The following SMAD2 variants were observed in gnomAD, a reference collection of about 807,000 sequenced individuals.
SMAD2 encodes the protein SMAD family member 2.
Under a neutral mutation model 64.4 loss-of-function variants are expected in SMAD2, and 8 were observed. That is an observed-to-expected ratio of 0.12 (90% CI 0.07 to 0.22). The LOEUF (loss-of-function observed/expected upper bound fraction) is 0.22, where lower values mean the gene tolerates loss of function less well. Among genes scored for constraint, SMAD2 ranks in the 10% least tolerant of loss-of-function variants. The pLI is 1.00. For synonymous variants in SMAD2, 203 were observed against 195.8 expected, an observed-to-expected ratio of 1.04 and a Z score of -0.31; for missense variants, 289 against 561.2, an observed-to-expected ratio of 0.51 and a Z score of 4.90.
At chr18:47,888,158 G>A (rs2144443335) in intron 2 of SMAD2, among the ~76,000 whole-genome samples, 1 of 151,896 alleles carries the variant, frequency 6.6e-6, no homozygotes, top group Middle Eastern at 3.4e-3. Context: ...ATATAAGCAG[G>A]TCACAGCAGT....
At chr18:47,900,093 G>C (rs1437299662) in intron 1 of SMAD2, among the ~76,000 whole-genome samples, 1 of 152,046 alleles carries the variant, frequency 6.6e-6, no homozygotes, top group Non-Finnish European at 1.5e-5. Flanking sequence ...TGTAATATGA[G>C]CTACATATGT....
intron 1 of SMAD2, among the ~76,000 whole-genome samples, chr18:47,922,851 G>A (rs2034616096): frequency 6.6e-6 from 1 of 151,824 alleles, no homozygotes; most frequent in Admixed American, 6.5e-5. Context: ...AGCTAGTAAG[G>A]AAAGACACTG....
intron 2 of SMAD2, among the ~76,000 whole-genome samples, chr18:47,879,505 T>TGTGTGTGTGTGTGTGC (rs2032462736): frequency 6.6e-6 from 1 of 151,480 alleles, no homozygotes; most frequent in African/African-American, 2.4e-5. Context: ...CGTGTGTGTG[T>TGTGTGTGTGTGTGTGC]GTGTGTGTGT....
chr18:47,858,429 G>A lies in SMAD2; in HGVS notation c.730+6630C>T, dbSNP rs531856940. 1.1e-4 allele frequency among the ~76,000 whole-genome samples: 16 copies of A among 152,192 alleles called. No individual in the cohort carries two copies. In the East Asian group the frequency reaches 2.3e-3, roughly 22 times the overall value. On this transcript the variant is annotated intron_variant, in intron 6 of 10. Coordinates refer to ENST00000262160, the MANE Select transcript of SMAD2 (RefSeq NM_005901.6). ...CAAAATGGTGCTAAAACAACTGAAA[G>A]AAATGTCTGTAGTAAAGGAATAAAA...
intron 1 of SMAD2, among the ~76,000 whole-genome samples, chr18:47,908,005 A>T (rs1450616444): frequency 6.6e-6 from 1 of 152,230 alleles, no homozygotes; most frequent in Non-Finnish European, 1.5e-5. Flanking sequence ...AATTCAAAAA[A>T]ATTTAAAAGG....
rs1307370552 is a variant in SMAD2, at chr18:47,837,712, G to T, written c.*4115C>A. ...AGCAAAGTAAAGCATATGAAAGGAA[G>T]AAATGTTTGATATGTCTAAGTATCA... On this transcript the variant is annotated 3_prime_UTR_variant, in exon 11 of 11. Transcript: ENST00000262160. 4 of 232,836 alleles carry T rather than the reference G, an allele frequency of 1.7e-5. No individual in the cohort carries two copies. Among genetic ancestry groups the T allele is most frequent in the Non-Finnish European group, 2.5e-5 (3 of 117,852 alleles). 14.4% of individuals were successfully genotyped at this position (232,836 alleles called of 1,614,324 possible). A position where few individuals can be genotyped will look rare whatever the true frequency, so the allele number is the denominator to read the frequency against.
In SMAD2 at chr18:47,824,265, G is replaced by A. The variant is rs983058108; in HGVS notation, c.*17562C>T. On this transcript the variant is annotated 3_prime_UTR_variant, in exon 11 of 11. Transcript: ENST00000262160. ...AAATGGAGCCAGGGAAGTCCATGAA[G>A]AGAGGGATTTTACGCACTACCTCAA... The A allele has an allele frequency of 6.6e-6, 1 of 151,796 alleles. No individual in the cohort carries two copies. Among genetic ancestry groups the A allele is most frequent in the Non-Finnish European group, 1.5e-5 (1 of 68,050 alleles). The allele number at this position is 151,796 out of a possible 1,614,324, so 9.4% of individuals were successfully genotyped here.
intron 7 of SMAD2, 135 bp downstream of exon 7, chr18:47,851,139 C>T (rs1305820761): frequency 3.0e-6 from 2 of 664,842 alleles, no homozygotes; most frequent in Non-Finnish European, 5.4e-6. Context: ...ACTACTTTAA[C>T]CACATACATA....
intron 6 of SMAD2, among the ~76,000 whole-genome samples, chr18:47,852,443 T>C (rs1374055902): frequency 6.6e-6 from 1 of 152,140 alleles, no homozygotes; most frequent in Admixed American, 6.5e-5. Flanking sequence ...TAATAAAATA[T>C]TTATTTAGGA....
intron 2 of SMAD2, among the ~76,000 whole-genome samples, chr18:47,872,875 T>G (rs1453006558): frequency 6.6e-6 from 1 of 152,168 alleles, no homozygotes; most frequent in Non-Finnish European, 1.5e-5. Flanking sequence ...ATTTAAAGTA[T>G]GAGAAAATGT....
At position 47,811,250 on chromosome 18, in the gene SMAD2, T is replaced by A. The variant is rs1912190916; in HGVS notation, c.*30577A>T. On this transcript the variant is annotated 3_prime_UTR_variant, in exon 11 of 11. Coordinates refer to ENST00000262160, the MANE Select transcript of SMAD2 (RefSeq NM_005901.6). ...ACTTTGGGAGGCTGAGGCGGGTGGA[T>A]CACAAGGTCAGGAGATTGAGACCAT... 1 of 152,092 alleles carries A rather than the reference T, an allele frequency of 6.6e-6. No homozygotes were observed. Among genetic ancestry groups the A allele is most frequent in the Admixed American group, 6.5e-5 (1 of 15,274 alleles). The allele number at this position is 152,092 out of a possible 1,614,324, so 9.4% of individuals were successfully genotyped here. A position where few individuals can be genotyped will look rare whatever the true frequency, so the allele number is the denominator to read the frequency against.
At chr18:47,885,168 CACACACACACACACAT>C (rs1213727959) in intron 2 of SMAD2, among the ~76,000 whole-genome samples, 7 of 146,938 alleles carry the variant, frequency 4.8e-5, no homozygotes, top group East Asian at 2.2e-4. Context: ...CACACACACA[CACACACACACACACAT>C]ATACCCTCCC....
intron 1 of SMAD2, among the ~76,000 whole-genome samples, chr18:47,916,877 ATACCATCCCT>A (rs1350363741): frequency 2.0e-5 from 3 of 152,224 alleles, no homozygotes; most frequent in Non-Finnish European, 2.9e-5. Flanking sequence ...GTCTGCAGTT[ATACCATCCCT>A]TCATTTCCAA....
rs1206035629 is a variant in SMAD2 at position 47,827,472 on chromosome 18, T to TC, written c.*14354dup. 2 of 152,132 alleles carry TC rather than the reference T, an allele frequency of 1.3e-5. No individual in the cohort carries two copies. The highest frequency in any genetic ancestry group is 4.8e-5 in the African/African-American group (2 of 41,390). 9.4% of individuals were successfully genotyped at this position (152,132 alleles called of 1,614,324 possible). On this transcript the variant is annotated 3_prime_UTR_variant, in exon 11 of 11. Transcript: ENST00000262160. ...AGCACATCCCTCTCCCTCTCCCGTC[T>TC]CCCCCCGTCTCCCACTTTCTACGGT...
chr18:47,873,737 G>A (rs1044577665), intron 2 of SMAD2, among the ~76,000 whole-genome samples: 2 of 152,256 alleles, frequency 1.3e-5, no homozygotes, highest in African/African-American at 4.8e-5. Flanking sequence ...AAAGCTGAAG[G>A]GAGGTCCAAC....
chr18:47,919,064 G>A (rs2144536009), intron 1 of SMAD2, among the ~76,000 whole-genome samples: 1 of 152,086 alleles, frequency 6.6e-6, no homozygotes, highest in South Asian at 2.1e-4. Flanking sequence ...CAAAGACAAA[G>A]AAAGGGCTTA....
At position 47,834,918 on chromosome 18, in the gene SMAD2, G is replaced by C. The variant is rs552573129; in HGVS notation, c.*6909C>G. 1 of 223,100 alleles carries C rather than the reference G, an allele frequency of 4.5e-6. No homozygotes were observed. The highest frequency in any genetic ancestry group is 1.8e-4 in the South Asian group (1 of 5,428). The allele number at this position is 223,100 out of a possible 1,614,324, so 13.8% of individuals were successfully genotyped here. On this transcript the variant is annotated 3_prime_UTR_variant, in exon 11 of 11. Transcript: ENST00000262160. Reference sequence around the variant, plus strand: ...ACAAAGGCTGCCAGCTGGAGACACAGCCCTCCGATTACAAAGGCCCAGAAT... The same window carrying C: ...ACAAAGGCTGCCAGCTGGAGACACACCCCTCCGATTACAAAGGCCCAGAAT...
chr18:47,863,041 G>A (rs113570893), intron 6 of SMAD2, among the ~76,000 whole-genome samples: 1 of 151,288 alleles, frequency 6.6e-6, no homozygotes, highest in Non-Finnish European at 1.5e-5. Flanking sequence ...TACTTATTAT[G>A]CCTAATTTAT....
rs1181363692 is a variant in SMAD2, at chr18:47,826,809, A to G, written c.*15018T>C. 2 of 152,192 alleles carry G rather than the reference A, an allele frequency of 1.3e-5. No individual in the cohort carries two copies. Among genetic ancestry groups the G allele is most frequent in the Non-Finnish European group, 2.9e-5 (2 of 68,026 alleles). 9.4% of individuals were successfully genotyped at this position (152,192 alleles called of 1,614,324 possible). A position where few individuals can be genotyped will look rare whatever the true frequency, so the allele number is the denominator to read the frequency against. ...ATTTGTTATTAGCAAAGACCTTCAGAGTAACCTTTGCCTGGTATTCTAGAC... is the reference window on the plus strand; with the variant it reads ...ATTTGTTATTAGCAAAGACCTTCAGGGTAACCTTTGCCTGGTATTCTAGAC... On this transcript the variant is annotated 3_prime_UTR_variant, in exon 11 of 11. Transcript: ENST00000262160.
Sources: gnomAD v4.1 joint callset for allele counts (sites outside exome capture counted in the v4.1 genomes callset) on GRCh38, gnomAD v4.1.1 for gene constraint, MANE v1.5 for transcripts, NCBI Gene and HGNC (gene_info 2026-07-23, HGNC 2026-07-21) for gene names.